COL3A1: variants seen among roughly 807,000 people sequenced by gnomAD.
COL3A1 encodes the protein collagen alpha-1(III) chain.
In COL3A1, 46 loss-of-function variants were observed where a neutral mutation model predicts 200.9. That is an observed-to-expected ratio of 0.23 (90% CI 0.18 to 0.29). The LOEUF is 0.29. Ranked by LOEUF, COL3A1 falls within the 10% of genes least tolerant of loss-of-function variation. COL3A1 has a pLI of 1.00. For missense variants in COL3A1, 1,367 were observed against 1,917.6 expected (o/e 0.71, Z 5.36); for synonymous variants, 650 against 628.0 (o/e 1.03, Z -0.52).
chr2:188,998,334 A>G lies in COL3A1; in HGVS notation c.1977+15A>G, dbSNP rs1157414171. The stretch of plus-strand genomic sequence containing the variant: ...CTGGGGAACCAGTAAGTTACGTTTC[A>G]TTATTCAAAACTCAGAAACAAAAAG... On this transcript the variant is annotated intron_variant, in intron 28 of 50. Transcript: ENST00000304636. 1 of 1,610,934 alleles carries G rather than the reference A, an allele frequency of 6.2e-7. No individual in the cohort carries two copies. Among genetic ancestry groups the G allele is most frequent in the Admixed American group, 1.7e-5 (1 of 59,914 alleles).
In COL3A1 at chr2:189,004,156, A is replaced by G; in HGVS notation, c.2823+13A>G. ...CCAGGGCCCACCAGTAAGTAACTTC[A>G]TTTTTTTAAATTGATTCTACTATTT... On this transcript the variant is annotated intron_variant, in intron 39 of 50. Coordinates refer to ENST00000304636, the MANE Select transcript of COL3A1 (RefSeq NM_000090.4). 6.2e-7 allele frequency: 1 copy of G among 1,613,820 alleles called. No homozygotes were observed.
At position 188,992,913 on chromosome 2, in the gene COL3A1, C is replaced by G. The variant is rs373392096; in HGVS notation, c.1023C>G (p.Ala341=). Residue 341 remains alanine (A), a synonymous_variant, in exon 15 of 51, where the codon GCC becomes GCG. Coordinates refer to ENST00000304636, the MANE Select transcript of COL3A1 (RefSeq NM_000090.4). ...QPGPPGPPGT[A]GFPGSPGAKG... Reference sequence around the variant, plus strand: ...GCCCTCCTGGTCCTCCTGGAACTGCCGGATTCCCTGGATCCCCTGGTGCTA... The same window carrying G: ...GCCCTCCTGGTCCTCCTGGAACTGCGGGATTCCCTGGATCCCCTGGTGCTA... 1 of 1,613,886 alleles carries G rather than the reference C, an allele frequency of 6.2e-7. No homozygotes were observed.
chr2:188,990,099 G>C lies in COL3A1; in HGVS notation c.694G>C (p.Glu232Gln). Residue 232 changes from glutamate (E) to glutamine (Q), a missense_variant, in exon 9 of 51, where the codon GAA becomes CAA. Physicochemically the swap from Glu to Gln is conservative, Grantham distance 29. Around this residue, in one of 5 missense-constraint regions of COL3A1, gnomAD observed 462 missense variants for 681.4 expected, o/e 0.68. Coordinates refer to ENST00000304636, the MANE Select transcript of COL3A1 (RefSeq NM_000090.4). ...GPSGPAGKDG[E>Q]SGRPGRPGER... ...TATTCTTTATTTCTCTACCTAGGGA[G>C]AATCAGGTAGACCCGGACGACCTGG... The C allele has an allele frequency of 1.2e-6, 2 of 1,613,406 alleles. No individual in the cohort carries two copies. Among genetic ancestry groups the C allele is most frequent in the Non-Finnish European group, 1.7e-6 (2 of 1,179,506 alleles).
intron 1 of COL3A1, among the ~76,000 whole-genome samples, chr2:188,977,290 T>G (rs1687840994): frequency 6.6e-6 from 1 of 152,158 alleles, no homozygotes; most frequent in Non-Finnish European, 1.5e-5. Flanking sequence ...TGTGTACTAA[T>G]GTTTGAGTTT....
intron 46 of COL3A1, 32 bp downstream of exon 46, chr2:189,007,970 C>T (rs1370399925): frequency 1.2e-6 from 2 of 1,614,010 alleles, no homozygotes; most frequent in African/African-American, 1.3e-5. Flanking sequence ...TACAGGTCCA[C>T]ATGTTTCAGA....
In COL3A1 at chr2:188,999,535, A is replaced by G. The variant is rs772997837; in HGVS notation, c.2187A>G (p.Gly729=). 24 of 1,613,836 alleles carry G rather than the reference A, an allele frequency of 1.5e-5. No individual in the cohort carries two copies. The highest frequency in any genetic ancestry group is 1.9e-5 in the Non-Finnish European group (23 of 1,180,022). ...CTCCTGGTCTGCAAGGAATGCCTGG[A>G]GAAAGAGGAGGTCTTGGAAGTCCTG... ...AGTPGLQGMP[G]ERGGLGSPGP... The change falls in exon 31 of 51, where the codon GGA becomes GGG. Residue 729 remains glycine (G), a synonymous_variant. Coordinates refer to ENST00000304636, the MANE Select transcript of COL3A1 (RefSeq NM_000090.4).
chr2:188,980,290 A>G (rs1283582226), intron 1 of COL3A1, among the ~76,000 whole-genome samples: 1 of 151,174 alleles, frequency 6.6e-6, no homozygotes, highest in Non-Finnish European at 1.5e-5. Flanking sequence ...CTAATTATCT[A>G]ATTATTTTTA....
chr2:189,006,010 A>G (rs957848784), intron 41 of COL3A1, among the ~76,000 whole-genome samples, 196 bp from the exon 42 acceptor site: 1 of 152,078 alleles, frequency 6.6e-6, no homozygotes, highest in African/African-American at 2.4e-5. Flanking sequence ...CCTCTCCTCC[A>G]TGAATACACT....
In COL3A1 at chr2:189,011,623, T is replaced by C; in HGVS notation, c.4255-5T>C. 1 of 1,613,960 alleles carries C rather than the reference T, an allele frequency of 6.2e-7. No homozygotes were observed. The highest frequency in any genetic ancestry group is 1.1e-5 in the South Asian group (1 of 91,084). ...TGATCATGTACATTTTGTCCTTTTT[T>C]ACAGAAACACACTGGGGAATGGAGC... On this transcript the variant is annotated splice_polypyrimidine_tract_variant and splice_region_variant and intron_variant, in intron 50 of 50. Transcript: ENST00000304636.
rs576776456 is a variant in COL3A1, at chr2:188,976,182, C to T, written c.79+1614C>T. Reference sequence around the variant, plus strand: ...AACCATTTATTGAAAAGACTACAAACTTAGGGGTTTTAGCTCAAAAAATTG... The same window carrying T: ...AACCATTTATTGAAAAGACTACAAATTTAGGGGTTTTAGCTCAAAAAATTG... On this transcript the variant is annotated intron_variant, in intron 1 of 50. Transcript: ENST00000304636. Among the ~76,000 whole-genome samples the T allele has an allele frequency of 3.3e-5, 5 of 152,114 alleles. No homozygotes were observed. In the East Asian group the frequency reaches 9.7e-4, roughly 29 times the overall value.
rs1418085849 is a variant in COL3A1 at position 188,992,741 on chromosome 2, T to A, written c.997-146T>A. On this transcript the variant is annotated intron_variant, in intron 14 of 50. Transcript: ENST00000304636. ...CTCTTTTCTTATTTTACCACATTGT[T>A]TCTCTACATAATATCCATAAAATAT... 4.4e-5 allele frequency: 32 copies of A among 729,002 alleles called. 1 individual carries two copies. In the South Asian group the frequency reaches 5.1e-4, roughly 12 times the overall value. The allele number at this position is 729,002 out of a possible 1,614,324, so 45.2% of individuals were successfully genotyped here. A position where few individuals can be genotyped will look rare whatever the true frequency, so the allele number is the denominator to read the frequency against.
intron 40 of COL3A1, 28 bp downstream of exon 40, chr2:189,004,392 C>A: frequency 6.4e-7 from 1 of 1,554,304 alleles, no homozygotes; most frequent in South Asian, 1.2e-5. Flanking sequence ...CCACTACACT[C>A]TTCCTTCCTT....
At chr2:189,007,165 AG>A (rs1688611312) in intron 44 of COL3A1, among the ~76,000 whole-genome samples, 175 bp downstream of exon 44, 6 of 4,046 alleles carry the variant, frequency 1.5e-3, no homozygotes, top group Non-Finnish European at 2.8e-3. Flanking sequence ...GATAGATGAT[AG>A]ATAGATAGAT....
At chr2:189,005,327 G>A (rs370478044) in intron 40 of COL3A1, 23 bp from the exon 41 acceptor site, 31 of 1,589,108 alleles carry the variant, frequency 2.0e-5, no homozygotes, top group Non-Finnish European at 2.7e-5. Context: ...GAAACAAAAT[G>A]TTTTTCATTC....
chr2:188,980,396 TC>T (rs66831307), intron 1 of COL3A1, among the ~76,000 whole-genome samples: 211 of 20,480 alleles, frequency 0.01, 2 homozygotes, highest in Middle Eastern at 0.038. Flanking sequence ...AAAAGATTAA[TC>T]TTTTAGACAA....
At chr2:188,982,013 A>G (rs1687963485) in intron 1 of COL3A1, among the ~76,000 whole-genome samples, 1 of 151,746 alleles carries the variant, frequency 6.6e-6, no homozygotes, top group South Asian at 2.1e-4. Context: ...GGCAATAAAT[A>G]AAGTTGCATT....
chr2:189,009,469 T>C (rs1688671730), intron 48 of COL3A1, among the ~76,000 whole-genome samples: 1 of 141,936 alleles, frequency 7.0e-6, no homozygotes, highest in African/African-American at 2.6e-5. Context: ...GTATAAATTG[T>C]AAGTTATTTG....
chr2:188,984,897 G>C lies in COL3A1; in HGVS notation c.217G>C (p.Asp73His), dbSNP rs200246388. 173 of 1,613,214 alleles carry C rather than the reference G, an allele frequency of 1.1e-4. 1 individual carries two copies. The highest frequency in any genetic ancestry group is 9.0e-4 in the South Asian group (82 of 91,064). The stretch of plus-strand genomic sequence containing the variant: ...CATAATATGTGACGATCAAGAATTA[G>C]ACTGCCCCAACCCAGAAATTCCATT... ...DDIICDDQELDCPNPEIPFGE... is the reference protein window; with the variant it reads ...DDIICDDQELHCPNPEIPFGE... The change falls in exon 2 of 51, where the codon GAC becomes CAC. Residue 73 changes from aspartate (D) to histidine (H), a missense_variant. Physicochemically the swap from Asp to His is moderately conservative, Grantham distance 81. Transcript: ENST00000304636.
chr2:188,978,846 T>G (rs1687887796), intron 1 of COL3A1, among the ~76,000 whole-genome samples: 1 of 151,458 alleles, frequency 6.6e-6, no homozygotes, highest in African/African-American at 2.4e-5. Context: ...CATGTCAAGA[T>G]GACAACGGAA....
Sources: gnomAD v4.1 joint callset for allele counts (sites outside exome capture counted in the v4.1 genomes callset) on GRCh38, gnomAD v4.1.1 for gene constraint, gnomAD v4.1.1 regional missense constraint, MANE v1.5 for transcripts, NCBI Gene and HGNC (gene_info 2026-07-23, HGNC 2026-07-21) for gene names.